DYNC2I2: variants seen among roughly 807,000 people sequenced by gnomAD.
DYNC2I2 encodes cytoplasmic dynein 2 intermediate chain 2.
Under a neutral mutation model 52.0 loss-of-function variants are expected in DYNC2I2, and 39 were observed. That is an observed-to-expected ratio of 0.75 (90% CI 0.58 to 0.98). The LOEUF (loss-of-function observed/expected upper bound fraction) is 0.98, where lower values mean the gene tolerates loss of function less well. Among genes scored for constraint, DYNC2I2 ranks in the 50% least tolerant of loss-of-function variants. DYNC2I2 has a pLI of 0.00. For synonymous variants in DYNC2I2, 359 were observed against 321.1 expected (o/e 1.12, Z -1.26); for missense variants, 743 against 728.4 (o/e 1.02, Z -0.23).
the DYNC2I2 span, among the ~76,000 whole-genome samples, chr9:128,670,770 G>C: frequency 7.1e-6 from 1 of 141,802 alleles, no homozygotes; most frequent in African/African-American, 2.6e-5. Flanking sequence ...AAAAAAAAGA[G>C]AGAGAGAAAC....
At position 128,635,271 on chromosome 9, in the gene DYNC2I2, G is replaced by C. The variant is rs1185510830; in HGVS notation, c.814-12C>G. 6.2e-7 allele frequency: 1 copy of C among 1,611,966 alleles called. No individual in the cohort carries two copies. On this transcript the variant is annotated splice_polypyrimidine_tract_variant and intron_variant, in intron 5 of 8. Coordinates refer to ENST00000372715, the MANE Select transcript of DYNC2I2 (RefSeq NM_052844.4). ...GGCAGCCACACCACCTGAGTTAACA[G>C]CATGCAGGGCCAGGATGGAGACAAG...
At chr9:128,671,738 G>C in the DYNC2I2 span, among the ~76,000 whole-genome samples, 1 of 146,796 alleles carries the variant, frequency 6.8e-6, no homozygotes, top group Non-Finnish European at 1.5e-5. Context: ...TGCAAGCTCT[G>C]CCTCCTGGGT....
At chr9:128,634,577 G>A (rs1256287523) in intron 7 of DYNC2I2, 112 bp downstream of exon 7, 4 of 1,316,736 alleles carry the variant, frequency 3.0e-6, no homozygotes, top group Non-Finnish European at 3.1e-6. Context: ...ACGGGTCTCA[G>A]AGTGGGCAGA....
chr9:128,643,536 A>G (rs1860557344), intron 1 of DYNC2I2, among the ~76,000 whole-genome samples: 1 of 151,796 alleles, frequency 6.6e-6, no homozygotes, highest in Non-Finnish European at 1.5e-5. Context: ...CAAAAAAAAA[A>G]AAAAAAATTG....
chr9:128,634,012 G>C (rs779287362), intron 8 of DYNC2I2, 30 bp from the exon 9 acceptor site: 1 of 1,611,276 alleles, frequency 6.2e-7, no homozygotes, highest in East Asian at 2.2e-5. Context: ...CGTGGAGTAA[G>C]AGAAACTCTA....
intron 1 of DYNC2I2, among the ~76,000 whole-genome samples, chr9:128,655,692 G>C (rs1222158018): frequency 6.8e-6 from 1 of 146,208 alleles, no homozygotes; most frequent in Non-Finnish European, 1.5e-5. Context: ...GGCGGATCAC[G>C]AGGACAGGAG....
At chr9:128,642,942 G>T (rs1860545696) in intron 1 of DYNC2I2, among the ~76,000 whole-genome samples, 1 of 152,158 alleles carries the variant, frequency 6.6e-6, no homozygotes, top group Non-Finnish European at 1.5e-5. Context: ...CACGAGAAAG[G>T]AAGGAAACAG....
intron 1 of DYNC2I2, among the ~76,000 whole-genome samples, chr9:128,642,889 G>GA (rs879916409): frequency 1.3e-5 from 2 of 152,204 alleles, no homozygotes; most frequent in Admixed American, 6.5e-5. Context: ...GAATAAACAA[G>GA]AAAAAAACAC....
At chr9:128,680,743 C>T in the DYNC2I2 span, among the ~76,000 whole-genome samples, 7 of 151,908 alleles carry the variant, frequency 4.6e-5, no homozygotes, top group East Asian at 1.9e-4. Flanking sequence ...GGCGTGATCT[C>T]GGTTCACTGC....
intron 1 of DYNC2I2, among the ~76,000 whole-genome samples, chr9:128,654,447 T>C (rs537292179): frequency 1.3e-5 from 2 of 152,114 alleles, no homozygotes; most frequent in Admixed American, 6.6e-5. Context: ...TGCCTTTCCT[T>C]TCCTTACCCT....
the DYNC2I2 span, among the ~76,000 whole-genome samples, chr9:128,674,954 A>C: frequency 2.0e-5 from 3 of 152,054 alleles, no homozygotes; most frequent in African/African-American, 7.2e-5. Context: ...TCTGTGGTAG[A>C]GAAACTCTAC....
At chr9:128,644,615 A>G (rs1022044885) in intron 1 of DYNC2I2, among the ~76,000 whole-genome samples, 1 of 152,164 alleles carries the variant, frequency 6.6e-6, no homozygotes, top group Non-Finnish European at 1.5e-5. Context: ...ACCTCACGAC[A>G]GTAAACTGCA....
At chr9:128,681,369 G>A in the DYNC2I2 span, among the ~76,000 whole-genome samples, 1 of 152,230 alleles carries the variant, frequency 6.6e-6, no homozygotes, top group South Asian at 2.1e-4. Context: ...GGGATTACAG[G>A]TGTGAGCCAC....
chr9:128,671,234 G>A, the DYNC2I2 span, among the ~76,000 whole-genome samples: 1 of 151,782 alleles, frequency 6.6e-6, no homozygotes, highest in Non-Finnish European at 1.5e-5. Flanking sequence ...AGGAGTTCAA[G>A]ACTACAGGGA....
chr9:128,683,706 G>T, the DYNC2I2 span: 1 of 512,470 alleles, frequency 2.0e-6, no homozygotes, highest in East Asian at 3.3e-5. Context: ...TCTCCTGATT[G>T]GAGGGTGGGT....
rs1181785289 is a variant in DYNC2I2, at chr9:128,655,377, G to A, written c.186+1164C>T. Among the ~76,000 whole-genome samples, 4 of 129,710 alleles carry A rather than the reference G, an allele frequency of 3.1e-5. 1 individual carries two copies. The East Asian group carries it at 9.1e-4, about 30-fold the overall frequency. The allele number at this position is 129,710 out of a possible 152,430, so 85.1% of individuals were successfully genotyped here. On this transcript the variant is annotated intron_variant, in intron 1 of 8. Transcript: ENST00000372715. ...AAAAAAAAAATTAGCCGGGCGTGGT[G>A]GCGGGCGCCTGTAGTCCCAGCTACT...
At chr9:128,643,526 C>CAAA (rs539379955) in intron 1 of DYNC2I2, among the ~76,000 whole-genome samples, 5 of 108,820 alleles carry the variant, frequency 4.6e-5, no homozygotes, top group African/African-American at 1.3e-4. Context: ...GACTCCATCT[C>CAAA]AAAAAAAAAA....
At chr9:128,635,835 CGCCCCA>C in intron 4 of DYNC2I2, 68 bp from the exon 5 acceptor site, 1 of 1,448,660 alleles carries the variant, frequency 6.9e-7, no homozygotes, top group South Asian at 1.2e-5. Flanking sequence ...GCCAAACACC[CGCCCCA>C]GCCCACCTAC....
chr9:128,674,143 G>T, the DYNC2I2 span, among the ~76,000 whole-genome samples: 1 of 149,802 alleles, frequency 6.7e-6, no homozygotes, highest in African/African-American at 2.5e-5. Context: ...GTGTGTGTGT[G>T]TCTTGTTTTT....
Sources: gnomAD v4.1 joint callset for allele counts (sites outside exome capture counted in the v4.1 genomes callset) on GRCh38, gnomAD v4.1.1 for gene constraint, MANE v1.5 for transcripts, NCBI Gene and HGNC (gene_info 2026-07-23, HGNC 2026-07-21) for gene names.